Variants in ADGRV1 observed in about 807,000 individuals in gnomAD.
ADGRV1 encodes the protein G-protein coupled receptor 98.
Under a neutral mutation model 596.2 loss-of-function variants are expected in ADGRV1, and 359 were observed. That is an observed-to-expected ratio of 0.60 (90% CI 0.55 to 0.66). ADGRV1 has a LOEUF of 0.66. ADGRV1 is among the 30% of genes least tolerant of loss of function. The pLI is 0.00. For synonymous variants in ADGRV1, 2,681 were observed against 2,679.2 expected (o/e 1.00, Z -0.02); for missense variants, 7,274 against 7,575.6 (o/e 0.96, Z 1.48).
At chr5:90,566,079 A>G (rs12516002) in intron 1 of ADGRV1, among the ~76,000 whole-genome samples, 2,527 of 152,128 alleles carry the variant, frequency 0.017, 29 homozygotes, top group Non-Finnish European at 0.025. Context: ...ATCCCTTATC[A>G]GATATATCAT....
chr5:91,033,542 A>G (rs1356412236), intron 85 of ADGRV1, among the ~76,000 whole-genome samples: 1 of 152,144 alleles, frequency 6.6e-6, no homozygotes, highest in Admixed American at 6.5e-5. Context: ...TTCCCTGTTC[A>G]TGATTTTGGC....
At chr5:90,675,128 G>T (rs953355597) in intron 23 of ADGRV1, 115 bp from the exon 24 acceptor site, 31 of 693,628 alleles carry the variant, frequency 4.5e-5, no homozygotes, top group Admixed American at 1.5e-4. Context: ...TCTAAATAAA[G>T]TCCCTCAGAA....
chr5:90,769,212 G>C (rs1321006114), intron 59 of ADGRV1, among the ~76,000 whole-genome samples: 1 of 152,038 alleles, frequency 6.6e-6, no homozygotes, highest in Non-Finnish European at 1.5e-5. Flanking sequence ...ACGTTCAAGA[G>C]AAGTTTGTTC....
At chr5:90,766,934 C>T (rs1757210685) in intron 59 of ADGRV1, among the ~76,000 whole-genome samples, 1 of 152,102 alleles carries the variant, frequency 6.6e-6, no homozygotes, top group Non-Finnish European at 1.5e-5. Context: ...GGGGAAGCAG[C>T]ATATGGGGCC....
At chr5:90,668,484 G>C (rs946566080) in intron 21 of ADGRV1, among the ~76,000 whole-genome samples, 1 of 152,104 alleles carries the variant, frequency 6.6e-6, no homozygotes, top group Non-Finnish European at 1.5e-5. Context: ...CATGGTGCGC[G>C]CACCCACTGA....
At chr5:91,076,097 C>T (rs1489975638) in intron 86 of ADGRV1, among the ~76,000 whole-genome samples, 1 of 152,034 alleles carries the variant, frequency 6.6e-6, no homozygotes, top group Non-Finnish European at 1.5e-5. Context: ...TTTATTAGCT[C>T]TACAAAGCTT....
intron 20 of ADGRV1, chr5:90,654,394 C>A: frequency 5.3e-6 from 1 of 188,202 alleles, no homozygotes; most frequent in Non-Finnish European, 1.1e-5. Context: ...GGGTGGTGGG[C>A]GTGAGGTTGA....
intron 83 of ADGRV1, among the ~76,000 whole-genome samples, chr5:90,904,659 G>A (rs1259578191): frequency 1.3e-5 from 2 of 151,530 alleles, no homozygotes; most frequent in African/African-American, 4.8e-5. Flanking sequence ...CTTGTCAGAT[G>A]GGCAATTTTC....
chr5:90,625,331 G>A (rs770910089), intron 6 of ADGRV1, 88 bp downstream of exon 6: 11 of 722,436 alleles, frequency 1.5e-5, no homozygotes, highest in Admixed American at 2.3e-5. Flanking sequence ...GTGGCCAGTC[G>A]CACCTCAGCT....
intron 34 of ADGRV1, among the ~76,000 whole-genome samples, chr5:90,697,528 G>A (rs1269828360): frequency 6.6e-6 from 1 of 150,804 alleles, no homozygotes; most frequent in East Asian, 1.9e-4. Context: ...ATGCCCAAGG[G>A]TAGCTGTTGG....
At chr5:91,146,325 T>TAGTATACA (rs2126872389) in intron 87 of ADGRV1, among the ~76,000 whole-genome samples, 1 of 152,318 alleles carries the variant, frequency 6.6e-6, no homozygotes, top group East Asian at 1.9e-4. Flanking sequence ...GTAGATCCTT[T>TAGTATACA]GTAGAGACCA....
At chr5:90,691,277 C>G (rs1746434089) in intron 31 of ADGRV1, 1 of 536,748 alleles carries the variant, frequency 1.9e-6, no homozygotes, top group African/African-American at 1.9e-5. Context: ...GTACAATTAA[C>G]TTGCATTGTT....
At position 91,153,414 on chromosome 5, in the gene ADGRV1, T is replaced by C; in HGVS notation, c.18802+16T>C. 1 of 1,546,872 alleles carries C rather than the reference T, an allele frequency of 6.5e-7. No individual in the cohort carries two copies. The highest frequency in any genetic ancestry group is 8.7e-7 in the Non-Finnish European group (1 of 1,144,294). On this transcript the variant is annotated intron_variant, in intron 89 of 89. Transcript: ENST00000405460. Reference sequence around the variant, plus strand: ...TTAAAAACTGGTATGTATGAACCCATGAACGACATTAGAAGTAGGCACTCT... The same window carrying C: ...TTAAAAACTGGTATGTATGAACCCACGAACGACATTAGAAGTAGGCACTCT...
At position 90,642,617 on chromosome 5, in the gene ADGRV1, G is replaced by T. The variant is rs1344030; in HGVS notation, c.2241-19G>T. On this transcript the variant is annotated intron_variant, in intron 11 of 89. Transcript: ENST00000405460. ...AAACTGGAAGTAGCGGGTGCCATTTGTCTCTCTGACTTCTCTAGGGTTAAC... is the reference window on the plus strand; with the variant it reads ...AAACTGGAAGTAGCGGGTGCCATTTTTCTCTCTGACTTCTCTAGGGTTAAC... 0.17 allele frequency: 265,384 copies of T among 1,604,350 alleles called. 24,003 individuals are homozygous for T. The highest frequency in any genetic ancestry group is 0.39 in the East Asian group (17,340 of 44,794).
intron 85 of ADGRV1, among the ~76,000 whole-genome samples, chr5:91,039,108 G>T (rs963124843): frequency 2.6e-5 from 4 of 152,060 alleles, no homozygotes; most frequent in African/African-American, 9.7e-5. Context: ...TTATTCCTTA[G>T]GATTAAGAAA....
chr5:90,916,175 T>G (rs980681674), intron 83 of ADGRV1, among the ~76,000 whole-genome samples: 3 of 152,144 alleles, frequency 2.0e-5, no homozygotes, highest in African/African-American at 7.2e-5. Flanking sequence ...GATTTTTTTT[T>G]TTCAAGAATC....
rs544658830 is a variant in ADGRV1 at position 91,028,428 on chromosome 5, C to G, written c.18152+42906C>G. Among the ~76,000 whole-genome samples the G allele has an allele frequency of 2.0e-5, 3 of 152,246 alleles. No homozygotes were observed. In the South Asian group the frequency reaches 6.2e-4, roughly 32 times the overall value. On this transcript the variant is annotated intron_variant, in intron 85 of 89. Coordinates refer to ENST00000405460, the MANE Select transcript of ADGRV1 (RefSeq NM_032119.4). ...TACTCCTGGCTATATTTACAAAACA[C>G]TTCAGGCCGACTTTGATATCCTTAA...
At chr5:91,108,437 G>C (rs143657501) in intron 87 of ADGRV1, among the ~76,000 whole-genome samples, 128 of 143,746 alleles carry the variant, frequency 8.9e-4, no homozygotes, top group Admixed American at 3.1e-3. Context: ...TTTTTATCTA[G>C]ATTATTATGA....
rs1765227979 is a variant in ADGRV1 at position 90,629,545 on chromosome 5, T to C, written c.1839+6T>C. Reference sequence around the variant, plus strand: ...GAGCTCACTTTCTAGTACAGGTACTTGTATGATTAAAATAATCGTAATTTT... The same window carrying C: ...GAGCTCACTTTCTAGTACAGGTACTCGTATGATTAAAATAATCGTAATTTT... On this transcript the variant is annotated splice_donor_region_variant and intron_variant, in intron 9 of 89. Coordinates refer to ENST00000405460, the MANE Select transcript of ADGRV1 (RefSeq NM_032119.4). 2 of 1,575,622 alleles carry C rather than the reference T, an allele frequency of 1.3e-6. No individual in the cohort carries two copies. Among genetic ancestry groups the C allele is most frequent in the Non-Finnish European group, 1.7e-6 (2 of 1,155,628 alleles).
Sources: allele counts gnomAD v4.1 joint callset (sites outside exome capture counted in the v4.1 genomes callset), GRCh38; gene constraint gnomAD v4.1.1; transcripts MANE v1.5; gene names NCBI Gene and HGNC (gene_info 2026-07-23, HGNC 2026-07-21).